Variants in CACNA1C observed in about 807,000 individuals in gnomAD.
CACNA1C encodes the protein calcium voltage-gated channel subunit alpha1 C.
Under a neutral mutation model 229.0 loss-of-function variants are expected in CACNA1C, and 30 were observed. The ratio of observed to expected loss-of-function variants is 0.13; its 90% CI spans 0.10 to 0.18. CACNA1C has a LOEUF of 0.18. Among genes scored for constraint, CACNA1C ranks in the 10% least tolerant of loss-of-function variants. CACNA1C has a pLI of 1.00. For synonymous variants in CACNA1C, 1,114 were observed against 1,132.5 expected (o/e 0.98, Z 0.33); for missense variants, 1,658 against 2,845.0 (o/e 0.58, Z 9.49).
chr12:1,977,387 A>G (rs1164188913), intron 1 of CACNA1C, among the ~76,000 whole-genome samples: 2 of 152,204 alleles, frequency 1.3e-5, no homozygotes, highest in Non-Finnish European at 2.9e-5. Context: ...AAAGCTCGAC[A>G]ACTTTGTGAC....
intron 9 of CACNA1C, among the ~76,000 whole-genome samples, chr12:2,526,265 C>T (rs1386957632): frequency 1.3e-5 from 2 of 152,214 alleles, no homozygotes; most frequent in Admixed American, 6.5e-5. Flanking sequence ...CATGCATCCC[C>T]CGAACCACAC....
intron 29 of CACNA1C, among the ~76,000 whole-genome samples, chr12:2,629,537 C>T (rs1602737495): frequency 1.3e-5 from 2 of 152,306 alleles, no homozygotes; most frequent in East Asian, 3.9e-4. Flanking sequence ...TCACCCTCAC[C>T]TCAACTCTGT....
At chr12:2,529,411 G>T (rs1409059696) in intron 9 of CACNA1C, among the ~76,000 whole-genome samples, 1 of 152,210 alleles carries the variant, frequency 6.6e-6, no homozygotes, top group African/African-American at 2.4e-5. Flanking sequence ...CGTCTGCTGG[G>T]TAGTACATCT....
At chr12:2,598,042 C>G (rs150851057) in intron 21 of CACNA1C, among the ~76,000 whole-genome samples, 1,709 of 152,314 alleles carry the variant, frequency 0.011, 8 homozygotes, top group Non-Finnish European at 0.016. Context: ...GATCACAGGC[C>G]TACTGTGAGA....
rs184348446 is a variant in CACNA1C at position 2,415,102 on chromosome 12, G to A, written c.478-33874G>A. Among the ~76,000 whole-genome samples, 570 of 152,342 alleles carry A rather than the reference G, an allele frequency of 3.7e-3. 4 individuals are homozygous for A. The highest frequency in any genetic ancestry group is 0.013 in the African/African-American group (545 of 41,578). ...TCTGTGGCATGCGAGTGTGGGACCT[G>A]AACCCAGGTTCTGTCAGGGTGGCGA... On this transcript the variant is annotated intron_variant, in intron 3 of 46. Coordinates refer to ENST00000399655, the MANE Select transcript of CACNA1C (RefSeq NM_000719.7).
chr12:2,532,800 G>A (rs1205125095), intron 9 of CACNA1C, among the ~76,000 whole-genome samples: 1 of 152,190 alleles, frequency 6.6e-6, no homozygotes, highest in Non-Finnish European at 1.5e-5. Context: ...ACAGGTCACG[G>A]AGAGGTAGCA....
At chr12:2,579,300 G>A (rs571986082) in intron 13 of CACNA1C, among the ~76,000 whole-genome samples, 37 of 152,262 alleles carry the variant, frequency 2.4e-4, no homozygotes, top group Middle Eastern at 3.4e-3. Flanking sequence ...ACAGTTGAGC[G>A]CACAGAGGAT....
intron 1 of CACNA1C, among the ~76,000 whole-genome samples, chr12:2,082,874 A>G (rs1172746979): frequency 6.6e-6 from 1 of 152,194 alleles, no homozygotes; most frequent in Non-Finnish European, 1.5e-5. Context: ...GTATATTTAT[A>G]TATAGATATG....
At chr12:2,572,392 CT>C (rs2055503071) in intron 13 of CACNA1C, among the ~76,000 whole-genome samples, 1 of 39,308 alleles carries the variant, frequency 2.5e-5, no homozygotes, top group African/African-American at 1.1e-4. Flanking sequence ...CTTCCTCCTC[CT>C]TCTTCTCTTC....
At chr12:2,019,502 AG>A (rs1313977462) in intron 1 of CACNA1C, among the ~76,000 whole-genome samples, 2 of 119,766 alleles carry the variant, frequency 1.7e-5, no homozygotes, top group Admixed American at 9.3e-5. Context: ...GGAGGGAGGG[AG>A]GGAGGGAGGA....
intron 3 of CACNA1C, among the ~76,000 whole-genome samples, chr12:2,365,542 G>T (rs552246559): frequency 6.6e-6 from 1 of 152,302 alleles, no homozygotes; most frequent in African/African-American, 2.4e-5. Flanking sequence ...TTGTCATGGG[G>T]CTCAGGCCTA....
chr12:2,509,452 C>T (rs1212337343), intron 8 of CACNA1C, among the ~76,000 whole-genome samples: 4 of 152,246 alleles, frequency 2.6e-5, no homozygotes, highest in Middle Eastern at 3.4e-3. Flanking sequence ...TTCCTGTGAG[C>T]CTCTGCCCAC....
chr12:2,029,028 G>A lies in CACNA1C; in HGVS notation c.139+57827G>A, dbSNP rs1327341202. Among the ~76,000 whole-genome samples, 1 of 152,164 alleles carries A rather than the reference G, an allele frequency of 6.6e-6. No individual in the cohort carries two copies. The highest frequency in any genetic ancestry group is 6.5e-5 in the Admixed American group (1 of 15,288). On this transcript the variant is annotated intron_variant, in intron 1 of 46. Coordinates refer to the CACNA1C transcript ENST00000682462. This position sits in a 1 kb window ranked among gnomAD's most constrained non-coding sequence, Gnocchi z 4.9. The stretch of plus-strand genomic sequence containing the variant: ...TGTCTGTTAAAACCGTTCTCCCAGA[G>A]GTAGGAGGAGTAATAGGATCATAGA...
rs571656507 is a variant in CACNA1C at position 2,249,164 on chromosome 12, C to T, written c.477+128734C>T. ...CACTTAACAGCTCTCTGACATTGAG[C>T]AAGTTAATTCATGTGACTGGGCCTC... On this transcript the variant is annotated intron_variant, in intron 3 of 46. Coordinates refer to ENST00000399655, the MANE Select transcript of CACNA1C (RefSeq NM_000719.7). Among the ~76,000 whole-genome samples, 8 of 152,242 alleles carry T rather than the reference C, an allele frequency of 5.3e-5. No homozygotes were observed. In the East Asian group the frequency reaches 1.5e-3, roughly 29 times the overall value.
chr12:2,641,684 G>A, intron 30 of CACNA1C: 4 of 701,992 alleles, frequency 5.7e-6, no homozygotes, highest in Non-Finnish European at 7.8e-6. Flanking sequence ...TCAGTGAGCT[G>A]CCCTTCTAAT....
intron 3 of CACNA1C, among the ~76,000 whole-genome samples, chr12:2,138,864 C>T (rs559598499): frequency 1.3e-5 from 2 of 150,656 alleles, no homozygotes; most frequent in South Asian, 4.2e-4. Flanking sequence ...TTAGACAATC[C>T]CCAAGGCCCA....
At chr12:2,459,060 G>A (rs1248646629) in intron 5 of CACNA1C, among the ~76,000 whole-genome samples, 2 of 139,708 alleles carry the variant, frequency 1.4e-5, no homozygotes, top group African/African-American at 5.4e-5. Flanking sequence ...TCAGCTCACT[G>A]CAACCTCCGC....
Position 2,053,075 on chromosome 12 carries a change from T to C in CACNA1C, c.-488T>C. 1.0e-6 allele frequency: 1 copy of C among 984,238 alleles called. No homozygotes were observed. Among genetic ancestry groups the C allele is most frequent in the Non-Finnish European group, 1.2e-6 (1 of 829,224 alleles). The allele number at this position is 984,238 out of a possible 1,614,324, so 61.0% of individuals were successfully genotyped here. On this transcript the variant is annotated 5_prime_UTR_variant, in exon 1 of 47. Coordinates refer to ENST00000399655, the MANE Select transcript of CACNA1C (RefSeq NM_000719.7). This position sits in a 1 kb window ranked among gnomAD's most constrained non-coding sequence, Gnocchi z 5.8. ...GGGCCCGGAGCGGCGGCGGCGGCTC[T>C]TCCTGCCTCCGCGCCCAGGAGTTGC...
chr12:2,101,400 G>C (rs1331185284), intron 1 of CACNA1C, among the ~76,000 whole-genome samples: 3 of 152,160 alleles, frequency 2.0e-5, no homozygotes, highest in South Asian at 2.1e-4. Context: ...CGCTTCCCCC[G>C]GGCAAAGTGC....
Sources: allele counts gnomAD v4.1 joint callset (sites outside exome capture counted in the v4.1 genomes callset), GRCh38; gene constraint gnomAD v4.1.1; non-coding constraint Gnocchi (gnomAD v3.1); transcripts MANE v1.5; gene names NCBI Gene and HGNC (gene_info 2026-07-23, HGNC 2026-07-21).